Variants in EGFR observed in about 807,000 individuals in gnomAD.
EGFR encodes epidermal growth factor receptor, also known as avian erythroblastic leukemia viral (v-erb-b) oncogene homolog.
In EGFR, 58 loss-of-function variants were observed where a neutral mutation model predicts 143.0. The observed-to-expected ratio is 0.41, with a 90% CI of 0.33 to 0.50. The LOEUF is 0.50. Among genes scored for constraint, EGFR ranks in the 20% least tolerant of loss-of-function variants. The pLI is 0.39. For missense variants in EGFR, 1,307 were observed against 1,579.0 expected (o/e 0.83, Z 2.92); for synonymous variants, 613 against 594.4 (o/e 1.03, Z -0.45).
intron 1 of EGFR, among the ~76,000 whole-genome samples, chr7:55,039,348 C>T (rs2128868435): frequency 6.6e-6 from 1 of 152,300 alleles, no homozygotes; most frequent in Non-Finnish European, 1.5e-5. Flanking sequence ...AATCTCAAAC[C>T]TCTAGGTGGA....
At chr7:55,097,984 A>G (rs1791579002) in intron 1 of EGFR, among the ~76,000 whole-genome samples, 1 of 151,998 alleles carries the variant, frequency 6.6e-6, no homozygotes, top group South Asian at 2.1e-4. Flanking sequence ...GTTTTATCAT[A>G]GGAAGTTCAA....
chr7:55,172,786 T>A, intron 16 of EGFR, 197 bp from the exon 17 acceptor site: 1 of 1,494,256 alleles, frequency 6.7e-7, no homozygotes, highest in South Asian at 1.2e-5. Context: ...GGTAGGGGAC[T>A]GGGGAGAGCT....
chr7:55,205,060 C>T (rs183306139), intron 27 of EGFR, among the ~76,000 whole-genome samples, 196 bp from the exon 28 acceptor site: 3 of 152,280 alleles, frequency 2.0e-5, no homozygotes, highest in East Asian at 3.9e-4. Context: ...ACAAAAGACA[C>T]ATATGTCCAT....
At chr7:55,200,916 T>A (rs1787817903) in intron 24 of EGFR, 1 of 552,382 alleles carries the variant, frequency 1.8e-6, no homozygotes, top group Admixed American at 3.1e-5. Flanking sequence ...CGATGAATGC[T>A]GCAGCTTCTT....
intron 1 of EGFR, among the ~76,000 whole-genome samples, chr7:55,064,770 A>T (rs1237927064): frequency 6.6e-6 from 1 of 152,236 alleles, no homozygotes; most frequent in African/African-American, 2.4e-5. Flanking sequence ...AGCCTTCTGA[A>T]TTTTAGAAAT....
chr7:55,131,557 G>A (rs1793833042), intron 1 of EGFR, among the ~76,000 whole-genome samples: 1 of 152,202 alleles, frequency 6.6e-6, no homozygotes, highest in African/African-American at 2.4e-5. Flanking sequence ...TTAGACCTTA[G>A]GGTCGGCTTA....
At chr7:55,058,265 G>A (rs1353571793) in intron 1 of EGFR, among the ~76,000 whole-genome samples, 1 of 152,148 alleles carries the variant, frequency 6.6e-6, no homozygotes, top group African/African-American at 2.4e-5. Context: ...GCGGTGGCAG[G>A]CACCTGTAAT....
intron 1 of EGFR, among the ~76,000 whole-genome samples, chr7:55,026,734 A>C (rs940918766): frequency 4.6e-5 from 7 of 152,176 alleles, no homozygotes; most frequent in Admixed American, 2.6e-4. Context: ...AAACAGGAAC[A>C]TTCCAAAATT....
intron 1 of EGFR, among the ~76,000 whole-genome samples, chr7:55,102,637 C>A (rs911640796): frequency 1.3e-5 from 2 of 152,116 alleles, no homozygotes; most frequent in South Asian, 2.1e-4. Flanking sequence ...CTGATGTTTG[C>A]GTCAAAATGC....
chr7:55,172,959 C>A, intron 16 of EGFR, 24 bp from the exon 17 acceptor site: 2 of 1,614,186 alleles, frequency 1.2e-6, no homozygotes, highest in East Asian at 4.5e-5. Flanking sequence ...CCTCACCCTT[C>A]CTTGTTCCTC....
intron 15 of EGFR, chr7:55,170,764 C>G: frequency 6.9e-7 from 1 of 1,452,382 alleles, no homozygotes; most frequent in Non-Finnish European, 9.0e-7. Context: ...CAGAAACCTG[C>G]AGGGACTCCA....
chr7:55,199,264 T>C (rs1289837833), intron 23 of EGFR, among the ~76,000 whole-genome samples: 1 of 152,240 alleles, frequency 6.6e-6, no homozygotes, highest in Non-Finnish European at 1.5e-5. Flanking sequence ...ATTTCTGCTT[T>C]GACTTAAACC....
chr7:55,128,452 GAAAGA>G (rs780408656), intron 1 of EGFR, among the ~76,000 whole-genome samples: 21 of 152,172 alleles, frequency 1.4e-4, no homozygotes, highest in Non-Finnish European at 2.1e-4. Flanking sequence ...AAAGTTTAAT[GAAAGA>G]AGAGAATCAC....
chr7:55,133,409 A>G (rs1793963489), intron 1 of EGFR, among the ~76,000 whole-genome samples: 1 of 152,182 alleles, frequency 6.6e-6, no homozygotes. Flanking sequence ...CTCTCCAGTA[A>G]CAAAGAGGGA....
intron 20 of EGFR, among the ~76,000 whole-genome samples, chr7:55,188,354 G>T (rs1428161749): frequency 6.6e-6 from 1 of 152,020 alleles, no homozygotes; most frequent in African/African-American, 2.4e-5. Context: ...GGAACACCCA[G>T]CCCTTCAAGG....
intron 11 of EGFR, among the ~76,000 whole-genome samples, chr7:55,158,474 ACT>A (rs1785536614): frequency 1.3e-5 from 2 of 151,842 alleles, no homozygotes; most frequent in Admixed American, 1.3e-4. Context: ...CCTCCCATAA[ACT>A]CCCTTGGCTC....
At chr7:55,152,726 C>A in intron 6 of EGFR, 62 bp downstream of exon 6, 1 of 1,422,766 alleles carries the variant, frequency 7.0e-7, no homozygotes, top group South Asian at 1.2e-5. Context: ...CCCACCCACA[C>A]CAGGACAGAA....
chr7:55,066,958 G>T (rs952612877), intron 1 of EGFR, among the ~76,000 whole-genome samples: 10 of 152,208 alleles, frequency 6.6e-5, no homozygotes, highest in African/African-American at 2.4e-4. Context: ...TGCTGAGCTG[G>T]TCACTTGGGA....
At chr7:55,047,868 T>C (rs145398794) in intron 1 of EGFR, among the ~76,000 whole-genome samples, 158 of 152,306 alleles carry the variant, frequency 1.0e-3, no homozygotes, top group African/African-American at 3.6e-3. Context: ...ATTTCCAACA[T>C]GTTCGTAAAC....
Sources: gnomAD v4.1 joint callset for allele counts (sites outside exome capture counted in the v4.1 genomes callset) on GRCh38, gnomAD v4.1.1 for gene constraint, MANE v1.5 for transcripts, NCBI Gene and HGNC (gene_info 2026-07-23, HGNC 2026-07-21) for gene names.